DYNC1LI2: variants seen among roughly 807,000 people sequenced by gnomAD.
DYNC1LI2 encodes the protein dynein cytoplasmic 1 light intermediate chain 2.
DYNC1LI2 carries 19 observed loss-of-function variants against 57.8 expected under a neutral mutation model. The observed-to-expected ratio is 0.33, with a 90% CI of 0.23 to 0.48. DYNC1LI2 has a LOEUF of 0.48. Among genes scored for constraint, DYNC1LI2 ranks in the 20% least tolerant of loss-of-function variants. DYNC1LI2 has a pLI of 0.99. For synonymous variants in DYNC1LI2, 256 were observed against 233.4 expected (o/e 1.10, Z -0.88); for missense variants, 470 against 604.2 (o/e 0.78, Z 2.33).
chr16:66,749,931 T>G (rs548688565), intron 2 of DYNC1LI2, among the ~76,000 whole-genome samples: 6 of 152,158 alleles, frequency 3.9e-5, no homozygotes, highest in Admixed American at 2.0e-4. Flanking sequence ...AACACCCCCC[T>G]TCCCCGGATC....
chr16:66,747,726 C>T (rs563390031), intron 3 of DYNC1LI2, among the ~76,000 whole-genome samples: 2 of 151,916 alleles, frequency 1.3e-5, no homozygotes, highest in South Asian at 2.1e-4. Context: ...TGCACCACCA[C>T]GCCTGGCTAA....
intron 8 of DYNC1LI2, among the ~76,000 whole-genome samples, chr16:66,729,308 G>C (rs1377344612): frequency 6.6e-6 from 1 of 152,152 alleles, no homozygotes; most frequent in Non-Finnish European, 1.5e-5. Context: ...TTTTAAGTCT[G>C]GCAGGTTCTA....
intron 3 of DYNC1LI2, among the ~76,000 whole-genome samples, chr16:66,744,687 G>GT (rs972662535): frequency 2.0e-5 from 3 of 151,878 alleles, no homozygotes; most frequent in African/African-American, 7.3e-5. Context: ...AGCCTCCCAA[G>GT]TAGCTGGGAC....
At position 66,742,358 on chromosome 16, in the gene DYNC1LI2, G is replaced by T. The variant is rs550641515; in HGVS notation, c.529+80C>A. ...AACCACGAAGCAAGGGAAGCCTCTAGGATTGGGAAAAGGAAAGTGATTCAA... is the reference window on the plus strand; with the variant it reads ...AACCACGAAGCAAGGGAAGCCTCTATGATTGGGAAAAGGAAAGTGATTCAA... On this transcript the variant is annotated intron_variant, in intron 4 of 12. Transcript: ENST00000258198. 1,692 of 1,436,082 alleles carry T rather than the reference G, an allele frequency of 1.2e-3. 2 individuals are homozygous for T. The highest frequency in any genetic ancestry group is 1.5e-3 in the Non-Finnish European group (1,587 of 1,050,712). The allele number at this position is 1,436,082 out of a possible 1,614,324, so 89.0% of individuals were successfully genotyped here.
intron 10 of DYNC1LI2, 45 bp from the exon 11 acceptor site, chr16:66,727,850 C>CA (rs1222426299): frequency 2.7e-6 from 4 of 1,492,212 alleles, no homozygotes; most frequent in South Asian, 2.3e-5. Flanking sequence ...ATAACAATAA[C>CA]AAAAAATACA....
chr16:66,734,213 G>A lies in DYNC1LI2; in HGVS notation c.793+5C>T. The A allele has an allele frequency of 6.2e-7, 1 of 1,613,958 alleles. No individual in the cohort carries two copies. Among genetic ancestry groups the A allele is most frequent in the East Asian group, 2.2e-5 (1 of 44,878 alleles). On this transcript the variant is annotated splice_donor_5th_base_variant and intron_variant, in intron 6 of 12. Coordinates refer to ENST00000258198, the MANE Select transcript of DYNC1LI2 (RefSeq NM_006141.3). ...CCCAGGCCCCACACAGCGCCCAAAG[G>A]ATACACTGAAGGCAGAACCTCCGCA... is the stretch of plus-strand genomic sequence containing the variant.
intron 12 of DYNC1LI2, among the ~76,000 whole-genome samples, chr16:66,724,142 C>A (rs1880857439): frequency 6.6e-6 from 1 of 152,168 alleles, no homozygotes; most frequent in Non-Finnish European, 1.5e-5. Flanking sequence ...CCTGTGCACT[C>A]TCACCACCAT....
Position 66,729,117 on chromosome 16 carries a change from T to A in DYNC1LI2, c.1042-18A>T, listed in dbSNP as rs375195740. The A allele has an allele frequency of 1.9e-6, 3 of 1,613,964 alleles. No homozygotes were observed. In the Admixed American group the frequency reaches 5.0e-5, roughly 27 times the overall value. ...TGGACCAGCTGTGAAACAACATACATGTTTGTGGCCACAGGCCAAGAATAC... is the reference window on the plus strand; with the variant it reads ...TGGACCAGCTGTGAAACAACATACAAGTTTGTGGCCACAGGCCAAGAATAC... On this transcript the variant is annotated intron_variant, in intron 8 of 12. Coordinates refer to ENST00000258198, the MANE Select transcript of DYNC1LI2 (RefSeq NM_006141.3).
intron 3 of DYNC1LI2, among the ~76,000 whole-genome samples, chr16:66,748,027 C>G (rs1322024128): frequency 6.6e-6 from 1 of 151,952 alleles, no homozygotes; most frequent in Non-Finnish European, 1.5e-5. Flanking sequence ...TGGTTCATGC[C>G]TGTAATCCCA....
intron 2 of DYNC1LI2, among the ~76,000 whole-genome samples, chr16:66,750,115 G>A (rs1429286873): frequency 6.6e-6 from 1 of 152,170 alleles, no homozygotes; most frequent in Non-Finnish European, 1.5e-5. Flanking sequence ...CCAAGGTGAG[G>A]ACCTGTCAGC....
At position 66,749,837 on chromosome 16, in the gene DYNC1LI2, C is replaced by T. The variant is rs115239931; in HGVS notation, c.182-524G>A. 9.6e-3 allele frequency among the ~76,000 whole-genome samples: 1,463 copies of T among 152,266 alleles called. 26 individuals carry two copies. Among genetic ancestry groups the T allele is most frequent in the African/African-American group, 0.034 (1,395 of 41,552 alleles). On this transcript the variant is annotated intron_variant, in intron 2 of 12. Coordinates refer to ENST00000258198, the MANE Select transcript of DYNC1LI2 (RefSeq NM_006141.3). ...AACATTCTGAAGGCTAAGAAACTGA[C>T]GAAAATAATTATAGACCTAGCAAAA...
chr16:66,733,872 A>T (rs548223808), intron 6 of DYNC1LI2: 6 of 209,788 alleles, frequency 2.9e-5, no homozygotes, highest in South Asian at 7.3e-5. Context: ...AAAAAAAATT[A>T]AAAAATACGC....
intron 4 of DYNC1LI2, among the ~76,000 whole-genome samples, chr16:66,737,765 C>G (rs922283875): frequency 6.6e-6 from 1 of 152,188 alleles, no homozygotes; most frequent in Non-Finnish European, 1.5e-5. Flanking sequence ...ACTAATCCAG[C>G]TAAGGAAGGC....
intron 11 of DYNC1LI2, 129 bp from the exon 12 acceptor site, chr16:66,726,073 C>T (rs2305310): frequency 0.45 from 404,956 of 899,520 alleles, 93,572 homozygotes; most frequent in East Asian, 0.63. Flanking sequence ...AACATTCATT[C>T]GCTACGATGC....
chr16:66,729,115 CAT>C lies in DYNC1LI2; in HGVS notation c.1042-18_1042-17del. The C allele has an allele frequency of 1.2e-6, 2 of 1,613,996 alleles. No homozygotes were observed. The highest frequency in any genetic ancestry group is 2.2e-5 in the East Asian group (1 of 44,892). On this transcript the variant is annotated splice_polypyrimidine_tract_variant and intron_variant, in intron 8 of 12. Transcript: ENST00000258198. The stretch of plus-strand genomic sequence containing the variant: ...CGTGGACCAGCTGTGAAACAACATA[CAT>C]GTTTGTGGCCACAGGCCAAGAATAC...
rs1390155997 is a variant in DYNC1LI2 at position 66,722,331 on chromosome 16, G to GT, written c.*1390dup. The GT allele has an allele frequency of 6.6e-6, 1 of 152,586 alleles. No homozygotes were observed. Among genetic ancestry groups the GT allele is most frequent in the African/African-American group, 2.4e-5 (1 of 41,434 alleles). The allele number at this position is 152,586 out of a possible 1,614,324, so 9.5% of individuals were successfully genotyped here. The stretch of plus-strand genomic sequence containing the variant: ...AGTAAACTCCACATGGTGAACTGTG[G>GT]TTTTTTCCCTTGGTTTGACAACATT... On this transcript the variant is annotated 3_prime_UTR_variant, in exon 13 of 13. Transcript: ENST00000258198.
At position 66,734,132 on chromosome 16, in the gene DYNC1LI2, G is replaced by A. The variant is rs2017687052; in HGVS notation, c.793+86C>T. 4 of 1,229,112 alleles carry A rather than the reference G, an allele frequency of 3.3e-6. No individual in the cohort carries two copies. In the East Asian group the frequency reaches 9.4e-5, roughly 29 times the overall value. 76.1% of individuals were successfully genotyped at this position (1,229,112 alleles called of 1,614,324 possible). A position where few individuals can be genotyped will look rare whatever the true frequency, so the allele number is the denominator to read the frequency against. On this transcript the variant is annotated intron_variant, in intron 6 of 12. Transcript: ENST00000258198. Reference sequence around the variant, plus strand: ...TTCTCTTTGGCAGAACACTATTCTGGGTTTGGGAGGTGCTTTATCTCTTTG... The same window carrying A: ...TTCTCTTTGGCAGAACACTATTCTGAGTTTGGGAGGTGCTTTATCTCTTTG...
At chr16:66,728,332 G>A (rs1008152506) in intron 9 of DYNC1LI2, 90 bp from the exon 10 acceptor site, 7 of 1,456,830 alleles carry the variant, frequency 4.8e-6, no homozygotes, top group Non-Finnish European at 6.7e-6. Flanking sequence ...TACTCCACTA[G>A]AGGGCACTAT....
In DYNC1LI2 at chr16:66,736,021, T is replaced by A; in HGVS notation, c.699+54A>T. ...GTCAACAGTTTCTCAAACTTTCAGATGGTGACTGTTCACCACCCGAACCCA... is the reference window on the plus strand; with the variant it reads ...GTCAACAGTTTCTCAAACTTTCAGAAGGTGACTGTTCACCACCCGAACCCA... On this transcript the variant is annotated intron_variant, in intron 5 of 12. Coordinates refer to ENST00000258198, the MANE Select transcript of DYNC1LI2 (RefSeq NM_006141.3). 9 of 1,576,990 alleles carry A rather than the reference T, an allele frequency of 5.7e-6. No homozygotes were observed. The South Asian group carries it at 8.0e-5, about 14-fold the overall frequency.
Sources: gnomAD v4.1 joint callset for allele counts (sites outside exome capture counted in the v4.1 genomes callset) on GRCh38, gnomAD v4.1.1 for gene constraint, MANE v1.5 for transcripts, NCBI Gene and HGNC (gene_info 2026-07-23, HGNC 2026-07-21) for gene names.